FCHO1: variants seen among roughly 807,000 people sequenced by gnomAD.
FCHO1 encodes F-BAR domain only protein 1.
FCHO1 carries 45 observed loss-of-function variants against 114.4 expected under a neutral mutation model. That is an observed-to-expected ratio of 0.39 (90% CI 0.31 to 0.50). FCHO1 has a LOEUF of 0.50. FCHO1 is among the 20% of genes least tolerant of loss of function. The pLI is 0.77. For synonymous variants in FCHO1, 480 were observed against 488.9 expected (o/e 0.98, Z 0.24); for missense variants, 1,042 against 1,209.6 (o/e 0.86, Z 2.06).
chr19:17,760,438 T>C (rs780385994), intron 4 of FCHO1, among the ~76,000 whole-genome samples: 2 of 152,150 alleles, frequency 1.3e-5, no homozygotes, highest in Non-Finnish European at 2.9e-5. Flanking sequence ...TAAGATATAG[T>C]TGTTGCCTCA....
chr19:17,772,500 C>G lies in FCHO1; in HGVS notation c.638C>G (p.Ala213Gly). Residue 213 changes from alanine to glycine, a missense_variant, in exon 10 of 29, where the codon GCA (alanine) becomes GGA (glycine). Around this residue, in one of 3 missense-constraint regions of FCHO1, gnomAD observed 450 missense variants for 564.1 expected, o/e 0.80. Transcript: ENST00000596536. ...GAGACACACCTGAGGCACATGAAGG[C>G]ACTGCTGGGCTCATATGCTCACTCG... ...MEETHLRHMK[A>G]LLGSYAHSVE... 6.2e-7 allele frequency: 1 copy of G among 1,614,148 alleles called. No homozygotes were observed. Among genetic ancestry groups the G allele is most frequent in the Non-Finnish European group, 8.5e-7 (1 of 1,180,032 alleles).
chr19:17,757,565 T>C (rs1474491543), intron 4 of FCHO1, among the ~76,000 whole-genome samples: 1 of 152,202 alleles, frequency 6.6e-6, no homozygotes, highest in Non-Finnish European at 1.5e-5. Flanking sequence ...AAAGTGACCC[T>C]GTACGTATAA....
intron 20 of FCHO1, among the ~76,000 whole-genome samples, chr19:17,780,582 G>A (rs1267941752): frequency 1.3e-5 from 2 of 152,152 alleles, no homozygotes; most frequent in African/African-American, 4.8e-5. Context: ...CATTCAGTGG[G>A]TGGAGGCCTG....
Position 17,783,570 on chromosome 19 carries a change from A to AT in FCHO1, c.2093+410dup, listed in dbSNP as rs1212075862. Among the ~76,000 whole-genome samples the AT allele has an allele frequency of 1.8e-3, 240 of 132,102 alleles. 1 individual carries two copies. The highest frequency in any genetic ancestry group is 2.6e-3 in the South Asian group (11 of 4,186). 86.7% of individuals were successfully genotyped at this position (132,102 alleles called of 152,430 possible). ...GGCGTGAGCTACCACACCCGGCTTG[A>AT]TTTTTTTTTTTTAATTATTATTTTT... On this transcript the variant is annotated intron_variant, in intron 24 of 28. Coordinates refer to ENST00000596536, the MANE Select transcript of FCHO1 (RefSeq NM_015122.3).
chr19:17,772,610 C>T, intron 10 of FCHO1, 35 bp from the exon 11 acceptor site: 7 of 1,612,826 alleles, frequency 4.3e-6, no homozygotes, highest in Non-Finnish European at 5.9e-6. Flanking sequence ...GCAAAGGGGC[C>T]TTGACCAGTT....
At chr19:17,753,047 A>C (rs973461653) in intron 1 of FCHO1, among the ~76,000 whole-genome samples, 8 of 151,980 alleles carry the variant, frequency 5.3e-5, no homozygotes, top group Admixed American at 2.6e-4. Flanking sequence ...GCACCACTGC[A>C]CTCCAGCCTG....
At position 17,774,498 on chromosome 19, in the gene FCHO1, C is replaced by T; in HGVS notation, c.920+20C>T. On this transcript the variant is annotated intron_variant, in intron 13 of 28. Transcript: ENST00000596536. ...AGCTGTGTGAGGAAGCACCCCTGCC[C>T]GGTCTGGCCCAGGCTAGACCGAGAT... 3 of 1,604,600 alleles carry T rather than the reference C, an allele frequency of 1.9e-6. No individual in the cohort carries two copies. The highest frequency in any genetic ancestry group is 2.6e-6 in the Non-Finnish European group (3 of 1,173,654).
At chr19:17,774,036 C>G (rs4808689) in intron 11 of FCHO1, among the ~76,000 whole-genome samples, 72,180 of 151,776 alleles carry the variant, frequency 0.48, 17,904 homozygotes, top group East Asian at 0.76. Context: ...TCAGCCTCCC[C>G]AGTAGCTGGG....
At chr19:17,773,273 AGTTTCCTCATCTG>A (rs1326093681) in intron 11 of FCHO1, among the ~76,000 whole-genome samples, 1 of 152,224 alleles carries the variant, frequency 6.6e-6, no homozygotes, top group African/African-American at 2.4e-5. Flanking sequence ...TCTGAGCCTC[AGTTTCCTCATCTG>A]TAAAGTGAGG....
chr19:17,787,792 G>C lies in FCHO1; in HGVS notation c.2593G>C (p.Glu865Gln), dbSNP rs754346536. Residue 865 changes from glutamate to glutamine, a missense_variant, in exon 28 of 29, where the codon GAA (glutamate) becomes CAA (glutamine). Glu to Gln is a conservative substitution (Grantham distance 29, BLOSUM62 2). Transcript: ENST00000596536. ...GACCACTCTGTCGGGCGTGGACTTG[G>C]AACTGGTGGGCAGCGGTTACCGCAT... ...EGTTLSGVDL[E>Q]LVGSGYRMSL... is the part of the protein sequence containing the mutation. 1.2e-6 allele frequency: 2 copies of C among 1,613,276 alleles called. No homozygotes were observed. The highest frequency in any genetic ancestry group is 2.2e-5 in the East Asian group (1 of 44,862).
At position 17,788,443 on chromosome 19, in the gene FCHO1, C is replaced by G. The variant is rs1021187340; in HGVS notation, c.*137C>G. 1 of 654,930 alleles carries G rather than the reference C, an allele frequency of 1.5e-6. No individual in the cohort carries two copies. Among genetic ancestry groups the G allele is most frequent in the African/African-American group, 1.8e-5 (1 of 54,244 alleles). 40.6% of individuals were successfully genotyped at this position (654,930 alleles called of 1,614,324 possible). A position where few individuals can be genotyped will look rare whatever the true frequency, so the allele number is the denominator to read the frequency against. ...ACTCCACGGAGAGGAGCCCCATGCC[C>G]AGCCTGGCTGAGCCCGAGATTCGCT... On this transcript the variant is annotated 3_prime_UTR_variant, in exon 29 of 29. Coordinates refer to ENST00000596536, the MANE Select transcript of FCHO1 (RefSeq NM_015122.3).
chr19:17,784,160 G>T lies in FCHO1; in HGVS notation c.2151G>T (p.Leu717=). 6.2e-7 allele frequency: 1 copy of T among 1,614,052 alleles called. No individual in the cohort carries two copies. Among genetic ancestry groups the T allele is most frequent in the South Asian group, 1.1e-5 (1 of 91,056 alleles). ...ACTTCTGGCTCAACATGGCAGCTCTGACCGAAGCCCTGCAGCGCCAGGCAG... is the reference window on the plus strand; with the variant it reads ...ACTTCTGGCTCAACATGGCAGCTCTTACCGAAGCCCTGCAGCGCCAGGCAG... ...TKDFWLNMAA[L]TEALQRQAEQ... Residue 717 remains leucine, a synonymous_variant, in exon 25 of 29, where the codon CTG becomes CTT. Coordinates refer to ENST00000596536, the MANE Select transcript of FCHO1 (RefSeq NM_015122.3). The surrounding 1 kb of genome is among the most constrained non-coding windows in gnomAD (Gnocchi z 5.3).
intron 6 of FCHO1, among the ~76,000 whole-genome samples, chr19:17,765,880 C>T (rs1275442929): frequency 1.7e-5 from 2 of 116,606 alleles, no homozygotes; most frequent in Non-Finnish European, 3.5e-5. Context: ...GTCTTAGTCA[C>T]TCTTTTTTTT....
In FCHO1 at chr19:17,783,089, C is replaced by CCCA. The variant is rs1176267997; in HGVS notation, c.2019_2021dup (p.Pro674dup). The CCCA allele has an allele frequency of 1.9e-6, 3 of 1,614,070 alleles. No individual in the cohort carries two copies. The highest frequency in any genetic ancestry group is 2.5e-6 in the Non-Finnish European group (3 of 1,180,010). On this transcript the variant is annotated inframe_insertion, in exon 24 of 29. Coordinates refer to ENST00000596536, the MANE Select transcript of FCHO1 (RefSeq NM_015122.3). The stretch of plus-strand genomic sequence containing the variant: ...GCATCGTGCGTGTGTTCAGCGGGAC[C>CCCA]CCACCACCACCTGTCCTCAGCTTCC...
intron 5 of FCHO1, among the ~76,000 whole-genome samples, chr19:17,763,792 G>A (rs549298742): frequency 6.6e-6 from 1 of 151,950 alleles, no homozygotes; most frequent in African/African-American, 2.4e-5. Context: ...CGAACCCCTG[G>A]GTTCCAGTGA....
chr19:17,772,729 C>T lies in FCHO1; in HGVS notation c.778C>T (p.Arg260Trp), dbSNP rs145070739. ...RKFAESKGTG[R>W]EKPGPLDFEA... ...GTTTGCAGAGAGTAAGGGCACAGGCCGGGAGAAGCCTGGTGAGTCAGGGCA... is the reference window on the plus strand; with the variant it reads ...GTTTGCAGAGAGTAAGGGCACAGGCTGGGAGAAGCCTGGTGAGTCAGGGCA... Residue 260 changes from arginine (R) to tryptophan (W), a missense_variant, in exon 11 of 29, where the codon CGG (arginine) becomes TGG (tryptophan). Physicochemically the swap from Arg to Trp is moderately radical, Grantham distance 101. Around this residue, in one of 3 missense-constraint regions of FCHO1, gnomAD observed 450 missense variants for 564.1 expected, o/e 0.80. Transcript: ENST00000596536. 3.1e-6 allele frequency: 5 copies of T among 1,614,042 alleles called. No individual in the cohort carries two copies. The highest frequency in any genetic ancestry group is 3.4e-6 in the Non-Finnish European group (4 of 1,179,936).
At chr19:17,756,754 G>C (rs2083694816) in intron 4 of FCHO1, among the ~76,000 whole-genome samples, 1 of 152,162 alleles carries the variant, frequency 6.6e-6, no homozygotes, top group African/African-American at 2.4e-5. Flanking sequence ...CTGGTTCTTT[G>C]CTGGGTGGTG....
At chr19:17,756,547 A>G (rs755873397) in intron 4 of FCHO1, among the ~76,000 whole-genome samples, 1 of 152,192 alleles carries the variant, frequency 6.6e-6, no homozygotes, top group Non-Finnish European at 1.5e-5. Context: ...CTTTGAGTTC[A>G]GGATTCGAAT....
chr19:17,756,146 G>T (rs2083418452), intron 4 of FCHO1, among the ~76,000 whole-genome samples: 1 of 152,186 alleles, frequency 6.6e-6, no homozygotes, highest in Non-Finnish European at 1.5e-5. Flanking sequence ...TCCTGCCCTT[G>T]CTCCCTCCCC....
Sources: allele counts gnomAD v4.1 joint callset (sites outside exome capture counted in the v4.1 genomes callset), GRCh38; gene constraint gnomAD v4.1.1; regional missense constraint gnomAD v4.1.1; non-coding constraint Gnocchi (gnomAD v3.1); transcripts MANE v1.5; gene names NCBI Gene and HGNC (gene_info 2026-07-23, HGNC 2026-07-21).